ARHGAP32: variants seen among roughly 807,000 people sequenced by gnomAD.
ARHGAP32 encodes rho GTPase-activating protein 32.
ARHGAP32 carries 51 observed loss-of-function variants against 186.5 expected under a neutral mutation model. The ratio of observed to expected loss-of-function variants is 0.27; its 90% CI spans 0.22 to 0.35. The LOEUF is 0.35. ARHGAP32 is among the 10% of genes least tolerant of loss of function. The pLI, the probability that ARHGAP32 is intolerant of heterozygous loss-of-function variation, is 1.00. For synonymous variants in ARHGAP32, 950 were observed against 964.3 expected, an observed-to-expected ratio of 0.99 and a Z score of 0.27; for missense variants, 2,186 against 2,623.5, an observed-to-expected ratio of 0.83 and a Z score of 3.64.
chr11:129,176,574 A>G (rs969641913), intron 1 of ARHGAP32, among the ~76,000 whole-genome samples: 5 of 150,560 alleles, frequency 3.3e-5, no homozygotes, highest in African/African-American at 1.2e-4. Context: ...AACACAAATT[A>G]TAACAAACTA....
intron 11 of ARHGAP32, among the ~76,000 whole-genome samples, chr11:129,012,644 GT>G (rs1462190703): frequency 6.6e-6 from 1 of 152,148 alleles, no homozygotes; most frequent in African/African-American, 2.4e-5. Flanking sequence ...ATAAAGAATG[GT>G]TATAACTGAT....
At chr11:128,989,553 CACATACAT>C (rs1360415393) in intron 12 of ARHGAP32, among the ~76,000 whole-genome samples, 10 of 150,512 alleles carry the variant, frequency 6.6e-5, no homozygotes, top group African/African-American at 2.2e-4. Context: ...CACACACACA[CACATACAT>C]ATATCTTTTT....
intron 2 of ARHGAP32, among the ~76,000 whole-genome samples, chr11:129,138,812 A>G (rs1942989910): frequency 6.6e-6 from 1 of 152,196 alleles, no homozygotes; most frequent in South Asian, 2.1e-4. Context: ...AAGAAAACAA[A>G]ATAGCGTATT....
chr11:129,053,126 T>C (rs1227406768), intron 10 of ARHGAP32, among the ~76,000 whole-genome samples: 1 of 152,074 alleles, frequency 6.6e-6, no homozygotes, highest in Non-Finnish European at 1.5e-5. Context: ...TTAATGCTGA[T>C]TTAAAAAATT....
At chr11:129,236,009 C>T (rs189340669) in intron 1 of ARHGAP32, among the ~76,000 whole-genome samples, 28 of 151,762 alleles carry the variant, frequency 1.8e-4, no homozygotes, top group African/African-American at 4.3e-4. Flanking sequence ...TTTTGCAATG[C>T]GAATTGTGCT....
At chr11:129,193,428 G>A (rs1315950873), upstream of ARHGAP32, among the ~76,000 whole-genome samples, 5 of 107,842 alleles carry the variant, frequency 4.6e-5, no homozygotes, top group African/African-American at 7.5e-5. Context: ...GCTGTTGTGA[G>A]CCATAATCAC....
At position 129,018,740 on chromosome 11, in the gene ARHGAP32, C is replaced by G. The variant is rs1013643661; in HGVS notation, c.1046-20272G>C. On this transcript the variant is annotated intron_variant, in intron 11 of 22. Transcript: ENST00000682385. The stretch of plus-strand genomic sequence containing the variant: ...AATCTGTGATTCACTAGAGTAATAA[C>G]TCTACAAATCTTTTAAATAAAAATT... Among the ~76,000 whole-genome samples, 3 of 152,178 alleles carry G rather than the reference C, an allele frequency of 2.0e-5. 1 individual carries two copies. Among genetic ancestry groups the G allele is most frequent in the Admixed American group, 2.0e-4 (3 of 15,286 alleles).
At chr11:129,082,112 C>T (rs1941239866) in intron 6 of ARHGAP32, among the ~76,000 whole-genome samples, 1 of 151,982 alleles carries the variant, frequency 6.6e-6, no homozygotes, top group Admixed American at 6.6e-5. Context: ...TCATTGATGA[C>T]ATAAACTAAT....
chr11:128,968,725 T>C lies in ARHGAP32; in HGVS notation c.*182A>G, dbSNP rs1565342615. On this transcript the variant is annotated 3_prime_UTR_variant, in exon 23 of 23. Coordinates refer to ENST00000682385, the MANE Select transcript of ARHGAP32 (RefSeq NM_001378024.1). The stretch of plus-strand genomic sequence containing the variant: ...AGACAAAAATGACAAAGTCTATAGA[T>C]GGAAGAGGGGGTAATGAAGCAGGGA... 1 of 471,086 alleles carries C rather than the reference T, an allele frequency of 2.1e-6. No individual in the cohort carries two copies. The allele number at this position is 471,086 out of a possible 1,614,324, so 29.2% of individuals were successfully genotyped here. A position where few individuals can be genotyped will look rare whatever the true frequency, so the allele number is the denominator to read the frequency against.
chr11:129,189,273 T>C (rs539510157), intron 1 of ARHGAP32, among the ~76,000 whole-genome samples: 1 of 152,260 alleles, frequency 6.6e-6, no homozygotes, highest in Non-Finnish European at 1.5e-5. Flanking sequence ...GTGCTACCAC[T>C]TGCAAAATTT....
intron 1 of ARHGAP32, chr11:129,279,094 G>A (rs1945575051): frequency 6.9e-6 from 1 of 145,580 alleles, no homozygotes; most frequent in African/African-American, 2.5e-5. Flanking sequence ...CCTTCCCCGC[G>A]GGGCCTGCCC....
intron 6 of ARHGAP32, among the ~76,000 whole-genome samples, chr11:129,071,093 C>A (rs1939343): frequency 0.27 from 40,975 of 151,782 alleles, 6,026 homozygotes; most frequent in Middle Eastern, 0.4. Flanking sequence ...AGAGCTGTAA[C>A]ACTCAGTGAG....
At position 129,076,580 on chromosome 11, in the gene ARHGAP32, T is replaced by C. The variant is rs533934552; in HGVS notation, c.532-9712A>G. On this transcript the variant is annotated intron_variant, in intron 6 of 22. Transcript: ENST00000682385. The stretch of plus-strand genomic sequence containing the variant: ...AAATGACACACTTCTAAATAAAACA[T>C]GGGTAAAAGAAGAAATCTCAAGAGA... Among the ~76,000 whole-genome samples the C allele has an allele frequency of 7.9e-5, 12 of 152,290 alleles. No homozygotes were observed. In the South Asian group the frequency reaches 1.9e-3, roughly 24 times the overall value.
chr11:129,121,052 A>G (rs993199837), intron 5 of ARHGAP32, among the ~76,000 whole-genome samples: 2 of 152,114 alleles, frequency 1.3e-5, no homozygotes, highest in African/African-American at 4.8e-5. Context: ...CAAATGTGCT[A>G]ATTTTTACCT....
At chr11:129,010,398 T>G (rs896027448) in intron 11 of ARHGAP32, among the ~76,000 whole-genome samples, 2 of 152,120 alleles carry the variant, frequency 1.3e-5, no homozygotes, top group Non-Finnish European at 2.9e-5. Flanking sequence ...ATTGCCCAGG[T>G]TTTCTTCTAG....
chr11:129,266,160 T>G (rs772901876), intron 1 of ARHGAP32, among the ~76,000 whole-genome samples: 1 of 152,116 alleles, frequency 6.6e-6, no homozygotes, highest in South Asian at 2.1e-4. Context: ...TTTGGGTTAG[T>G]AGAGAGAAAT....
chr11:129,268,198 T>C lies in ARHGAP32; in HGVS notation c.-5+10948A>G, dbSNP rs76546102. The stretch of plus-strand genomic sequence containing the variant: ...TCCTATGAGGAATAGTTGAAGAAAA[T>C]GAATCCATTGAGCCTAGAAAGAGAA... On this transcript the variant is annotated intron_variant, in intron 1 of 6. Coordinates refer to the ARHGAP32 transcript ENST00000525234. 9.4e-3 allele frequency among the ~76,000 whole-genome samples: 1,424 copies of C among 151,932 alleles called. 20 individuals carry two copies. Among genetic ancestry groups the C allele is most frequent in the African/African-American group, 0.027 (1,131 of 41,412 alleles).
chr11:129,011,952 A>G (rs147655503), intron 11 of ARHGAP32, among the ~76,000 whole-genome samples: 117 of 152,302 alleles, frequency 7.7e-4, no homozygotes, highest in African/African-American at 2.7e-3. Context: ...AAGAAATACT[A>G]GAAGGATAAA....
At chr11:129,172,956 G>T (rs1296158866) in intron 1 of ARHGAP32, among the ~76,000 whole-genome samples, 2 of 139,256 alleles carry the variant, frequency 1.4e-5, no homozygotes, top group Admixed American at 1.5e-4. Flanking sequence ...GAGAAGAAAT[G>T]AAGGAGATAG....
Sources: gnomAD v4.1 joint callset for allele counts (sites outside exome capture counted in the v4.1 genomes callset) on GRCh38, gnomAD v4.1.1 for gene constraint, MANE v1.5 for transcripts, NCBI Gene and HGNC (gene_info 2026-07-23, HGNC 2026-07-21) for gene names.